The following GATAD1 variants were observed in gnomAD, a reference collection of about 807,000 sequenced individuals.
GATAD1 encodes the protein GATA zinc finger domain containing 1.
Under a neutral mutation model 26.5 loss-of-function variants are expected in GATAD1, and 12 were observed. The observed-to-expected ratio is 0.45, with a 90% CI of 0.29 to 0.73. GATAD1 has a LOEUF of 0.73. Ranked by LOEUF, GATAD1 falls within the 30% of genes least tolerant of loss-of-function variation. The pLI, the probability that GATAD1 is intolerant of heterozygous loss-of-function variation, is 0.10. For missense variants in GATAD1, 266 were observed against 342.1 expected (o/e 0.78, Z 1.75); for synonymous variants, 129 against 133.1 (o/e 0.97, Z 0.21).
rs79213982 is a variant in GATAD1, at chr7:92,448,177, A to G, written c.249+199A>G. Among the ~76,000 whole-genome samples the G allele has an allele frequency of 0.026, 3,973 of 152,324 alleles. 210 individuals are homozygous for G. Among genetic ancestry groups the G allele is most frequent in the African/African-American group, 0.09 (3,751 of 41,562 alleles). On this transcript the variant is annotated intron_variant, in intron 1 of 4. Transcript: ENST00000287957. Reference sequence around the variant, plus strand: ...CTGTTATTGTAAGAAATTCAAAGCAATAAGAACCAAGATGTAAAGCCCTTA... The same window carrying G: ...CTGTTATTGTAAGAAATTCAAAGCAGTAAGAACCAAGATGTAAAGCCCTTA...
downstream of GATAD1, among the ~76,000 whole-genome samples, chr7:92,460,453 G>A (rs1789878161): frequency 6.6e-6 from 1 of 152,106 alleles, no homozygotes; most frequent in Non-Finnish European, 1.5e-5. Context: ...ACCCACAAGA[G>A]GTGGGCCATT....
chr7:92,465,082 C>A, the GATAD1 span: 7 of 152,266 alleles, frequency 4.6e-5, no homozygotes, highest in East Asian at 1.4e-3. Flanking sequence ...ACCATCTAAT[C>A]TAACTCCCTC....
the GATAD1 span, chr7:92,492,952 C>G: frequency 6.2e-7 from 1 of 1,611,346 alleles, no homozygotes; most frequent in South Asian, 1.1e-5. Context: ...ATATAACTTG[C>G]CTGGAGTCCA....
chr7:92,454,254 C>T (rs1789567465), intron 3 of GATAD1: 2 of 420,900 alleles, frequency 4.8e-6, no homozygotes, highest in Non-Finnish European at 8.4e-6. Flanking sequence ...AATCAAAATA[C>T]TTTATGAACA....
intron 3 of GATAD1, among the ~76,000 whole-genome samples, chr7:92,451,387 A>G (rs1789423277): frequency 6.6e-6 from 1 of 152,232 alleles, no homozygotes; most frequent in Non-Finnish European, 1.5e-5. Context: ...AAGGAATTAG[A>G]ACATAGACCC....
the GATAD1 span, chr7:92,487,504 G>A: frequency 5.6e-6 from 9 of 1,593,682 alleles, no homozygotes; most frequent in Non-Finnish European, 7.7e-6. Context: ...GTTCCACTTT[G>A]ATTTTTTCTC....
At chr7:92,493,598 C>T in the GATAD1 span, 1 of 154,602 alleles carries the variant, frequency 6.5e-6, no homozygotes, top group African/African-American at 2.4e-5. Context: ...GTGATCGTAC[C>T]AGTGTACTCC....
the GATAD1 span, chr7:92,471,918 G>T: frequency 3.9e-5 from 6 of 152,198 alleles, no homozygotes; most frequent in Non-Finnish European, 5.9e-5. Flanking sequence ...TAGTGCCCAA[G>T]TGAGGGCTAT....
chr7:92,492,398 C>T, the GATAD1 span, among the ~76,000 whole-genome samples: 1 of 152,174 alleles, frequency 6.6e-6, no homozygotes, highest in Non-Finnish European at 1.5e-5. Flanking sequence ...TCAAACTAGG[C>T]CCAAATGATC....
chr7:92,491,779 T>A, the GATAD1 span, among the ~76,000 whole-genome samples: 1 of 152,202 alleles, frequency 6.6e-6, no homozygotes, highest in African/African-American at 2.4e-5. Context: ...TATTTTTATG[T>A]CTCTGACTTT....
the GATAD1 span, among the ~76,000 whole-genome samples, chr7:92,490,501 G>A: frequency 6.6e-6 from 1 of 151,940 alleles, no homozygotes. Context: ...TGGGCATGGT[G>A]GCATGTGCCT....
chr7:92,490,610 G>A, the GATAD1 span, among the ~76,000 whole-genome samples: 1 of 134,170 alleles, frequency 7.5e-6, no homozygotes, highest in African/African-American at 2.8e-5. Flanking sequence ...ACTCTAGTCT[G>A]GATGATAGAG....
the GATAD1 span, chr7:92,489,442 T>C: frequency 8.7e-6 from 14 of 1,609,016 alleles, no homozygotes; most frequent in African/African-American, 2.7e-5. Flanking sequence ...AAAAAAGAAA[T>C]TGACGAAGAG....
At chr7:92,478,072 CTGAT>C in the GATAD1 span, 2 of 152,170 alleles carry the variant, frequency 1.3e-5, no homozygotes, top group African/African-American at 2.4e-5. Context: ...AGTGAGCTCT[CTGAT>C]TGGTCAGGTG....
chr7:92,461,962 A>T (rs1016387442), downstream of GATAD1, among the ~76,000 whole-genome samples: 6 of 152,248 alleles, frequency 3.9e-5, no homozygotes, highest in African/African-American at 1.2e-4. Context: ...AAGGGCAGAG[A>T]CCACTAGGGA....
chr7:92,491,730 A>G, the GATAD1 span: 7 of 486,990 alleles, frequency 1.4e-5, no homozygotes, highest in Non-Finnish European at 2.2e-5. Context: ...ATCCCCCAAG[A>G]AAGTCTGTAA....
the GATAD1 span, among the ~76,000 whole-genome samples, chr7:92,490,611 G>T: frequency 7.2e-6 from 1 of 139,660 alleles, no homozygotes; most frequent in Non-Finnish European, 1.5e-5. Flanking sequence ...CTCTAGTCTG[G>T]ATGATAGAGT....
chr7:92,455,002 G>T (rs1416157999), intron 4 of GATAD1, among the ~76,000 whole-genome samples: 2 of 151,924 alleles, frequency 1.3e-5, no homozygotes, highest in Non-Finnish European at 2.9e-5. Flanking sequence ...TCAGATGAGG[G>T]CCCCACCCTT....
At chr7:92,491,378 A>G in the GATAD1 span, 2 of 1,613,754 alleles carry the variant, frequency 1.2e-6, no homozygotes, top group South Asian at 1.1e-5. Context: ...GGACATCTCT[A>G]AAGAAACAAG....
Sources: gnomAD v4.1 joint callset for allele counts (sites outside exome capture counted in the v4.1 genomes callset) on GRCh38, gnomAD v4.1.1 for gene constraint, MANE v1.5 for transcripts, NCBI Gene and HGNC (gene_info 2026-07-23, HGNC 2026-07-21) for gene names.